The following GKAP1 variants were observed in gnomAD, a reference collection of about 807,000 sequenced individuals.
GKAP1 encodes the protein G kinase-anchoring protein 1.
A neutral mutation model predicts 56.7 loss-of-function variants in GKAP1; 31 were observed. The observed-to-expected ratio is 0.55, with a 90% CI of 0.41 to 0.74. The LOEUF (loss-of-function observed/expected upper bound fraction) is 0.74. Ranked by LOEUF, GKAP1 falls within the 30% of genes least tolerant of loss-of-function variation. The probability of loss-of-function intolerance (pLI) is 0.00; values close to 1 mark genes in which losing one functional copy is unlikely to be tolerated. For synonymous variants in GKAP1, 151 were observed against 138.6 expected (o/e 1.09, Z -0.63); for missense variants, 364 against 402.3 (o/e 0.90, Z 0.82).
At chr9:83,766,423 C>T (rs547896452) in intron 8 of GKAP1, among the ~76,000 whole-genome samples, 1 of 152,258 alleles carries the variant, frequency 6.6e-6, no homozygotes, top group South Asian at 2.1e-4. Flanking sequence ...TAATTCAATG[C>T]CAGAAAGAAC....
chr9:83,813,954 A>G (rs961344108), intron 2 of GKAP1, among the ~76,000 whole-genome samples: 9 of 152,132 alleles, frequency 5.9e-5, no homozygotes, highest in African/African-American at 2.2e-4. Flanking sequence ...TACAACAGTT[A>G]GCAGGCATAG....
In GKAP1 at chr9:83,777,044, A is replaced by C. The variant is rs565725090; in HGVS notation, c.585+3338T>G. ...TTTTTATTTTTAATATAATTTTTAC[A>C]TAAGTAGTACACGGACATGATAGAA... On this transcript the variant is annotated intron_variant, in intron 7 of 12. Transcript: ENST00000376371. 2.0e-5 allele frequency among the ~76,000 whole-genome samples: 3 copies of C among 152,332 alleles called. No individual in the cohort carries two copies. The South Asian group carries it at 6.2e-4, about 32-fold the overall frequency.
At chr9:83,784,143 T>C (rs1944024175) in intron 6 of GKAP1, among the ~76,000 whole-genome samples, 1 of 151,816 alleles carries the variant, frequency 6.6e-6, no homozygotes, top group African/African-American at 2.4e-5. Flanking sequence ...GGCATAGGCC[T>C]GTAGTCCTAG....
At chr9:83,808,586 ACT>A (rs1944469259) in intron 2 of GKAP1, among the ~76,000 whole-genome samples, 2 of 151,850 alleles carry the variant, frequency 1.3e-5, no homozygotes, top group Admixed American at 6.6e-5. Context: ...ACGGAGTCAG[ACT>A]CTCTCTCAAA....
chr9:83,739,808 T>TA (rs977669233), intron 12 of GKAP1, 64 bp from the exon 13 acceptor site: 1 of 1,342,860 alleles, frequency 7.4e-7, no homozygotes, highest in Non-Finnish European at 1.0e-6. Flanking sequence ...CCACTTCATT[T>TA]AAAAAATATA....
intron 4 of GKAP1, among the ~76,000 whole-genome samples, chr9:83,796,559 C>T (rs1195319560): frequency 6.6e-6 from 1 of 152,184 alleles, no homozygotes; most frequent in Non-Finnish European, 1.5e-5. Context: ...CCTCTGCCTC[C>T]TGGGCTCAAG....
In GKAP1 at chr9:83,748,350, G is replaced by T; in HGVS notation, c.863C>A (p.Ala288Glu). 2 of 1,592,934 alleles carry T rather than the reference G, an allele frequency of 1.3e-6. No individual in the cohort carries two copies. The change falls in exon 10 of 13, where the codon GCA becomes GAA. Residue 288 changes from alanine to glutamate, a missense_variant. Ala to Glu is a moderately radical substitution (Grantham distance 107). Transcript: ENST00000376371. ...QWEAKYKEVK[A>E]RNAQLLKMLQ... is the part of the protein sequence containing the mutation. ...CATTTTCAATAATTGTGCATTTCTT[G>T]CCTTTACTTCCTTATACTTTGCCTA...
Position 83,816,818 on chromosome 9 carries a change from G to A in GKAP1, c.-44+178C>T, listed in dbSNP as rs1944610987. On this transcript the variant is annotated intron_variant, in intron 2 of 12. Transcript: ENST00000376371. The stretch of plus-strand genomic sequence containing the variant: ...AGAGGAGGAAGAGAAAAGGCAATCA[G>A]CCAATTTGATAAACTATTTTTGTCG... Among the ~76,000 whole-genome samples the A allele has an allele frequency of 2.0e-5, 3 of 152,144 alleles. No homozygotes were observed. In the South Asian group the frequency reaches 6.2e-4, roughly 31 times the overall value.
chr9:83,816,564 T>C (rs991005689), intron 2 of GKAP1, among the ~76,000 whole-genome samples: 2 of 152,264 alleles, frequency 1.3e-5, no homozygotes, highest in African/African-American at 4.8e-5. Flanking sequence ...AGATTTTTAA[T>C]ATTTTAATTT....
At chr9:83,778,383 G>A (rs1045651251) in intron 7 of GKAP1, among the ~76,000 whole-genome samples, 5 of 152,094 alleles carry the variant, frequency 3.3e-5, no homozygotes, top group African/African-American at 1.2e-4. Context: ...GAATGAGACT[G>A]TGTCCTCTGC....
At chr9:83,812,196 CAT>C (rs912331634) in intron 2 of GKAP1, among the ~76,000 whole-genome samples, 3 of 149,146 alleles carry the variant, frequency 2.0e-5, no homozygotes, top group African/African-American at 5.0e-5. Context: ...TATATATACA[CAT>C]ATATATACAC....
At chr9:83,754,815 T>A (rs886285957) in intron 8 of GKAP1, among the ~76,000 whole-genome samples, 3 of 152,176 alleles carry the variant, frequency 2.0e-5, no homozygotes, top group Non-Finnish European at 2.9e-5. Context: ...CTAGGTTAGA[T>A]TTGACTGTGT....
chr9:83,781,296 G>A (rs1248536724), intron 6 of GKAP1, among the ~76,000 whole-genome samples: 1 of 152,202 alleles, frequency 6.6e-6, no homozygotes, highest in African/African-American at 2.4e-5. Flanking sequence ...CCAGGAGGCG[G>A]AGGCTGCAGA....
At chr9:83,784,115 A>T (rs930720867) in intron 6 of GKAP1, among the ~76,000 whole-genome samples, 1 of 151,658 alleles carries the variant, frequency 6.6e-6, no homozygotes, top group Non-Finnish European at 1.5e-5. Context: ...AAAATACAAA[A>T]GACTAGTTGG....
rs547991641 is a variant in GKAP1 at position 83,790,971 on chromosome 9, T to C, written c.361-2293A>G. On this transcript the variant is annotated intron_variant, in intron 4 of 12. Coordinates refer to ENST00000376371, the MANE Select transcript of GKAP1 (RefSeq NM_025211.4). ...TAATATGTCACATAGTCTGATGATA[T>C]TCCAGAAATAAGTTAGTGGGCAGAA... Among the ~76,000 whole-genome samples the C allele has an allele frequency of 1.4e-4, 21 of 152,364 alleles. No individual in the cohort carries two copies. The South Asian group carries it at 2.3e-3, about 17-fold the overall frequency.
At chr9:83,758,893 T>C (rs2160821) in intron 8 of GKAP1, among the ~76,000 whole-genome samples, 85,733 of 152,024 alleles carry the variant, frequency 0.56, 24,786 homozygotes, top group Admixed American at 0.7. Flanking sequence ...AAGGAGCACA[T>C]TGGATAGAGG....
At chr9:83,806,834 C>T (rs1944446726) in intron 2 of GKAP1, among the ~76,000 whole-genome samples, 1 of 152,130 alleles carries the variant, frequency 6.6e-6, no homozygotes, top group African/African-American at 2.4e-5. Flanking sequence ...CTCTCTCAAT[C>T]ATTCTGAAAT....
At chr9:83,789,572 C>T (rs922294980) in intron 4 of GKAP1, among the ~76,000 whole-genome samples, 1 of 152,124 alleles carries the variant, frequency 6.6e-6, no homozygotes, top group Non-Finnish European at 1.5e-5. Flanking sequence ...ATCCCTTCCT[C>T]GATTCCTTTA....
chr9:83,758,803 A>AT (rs1470425196), intron 8 of GKAP1, among the ~76,000 whole-genome samples: 2 of 152,104 alleles, frequency 1.3e-5, no homozygotes, highest in African/African-American at 4.8e-5. Flanking sequence ...TTCACCTTTA[A>AT]AAATGCCTAA....
Sources: gnomAD v4.1 joint callset for allele counts (sites outside exome capture counted in the v4.1 genomes callset) on GRCh38, gnomAD v4.1.1 for gene constraint, MANE v1.5 for transcripts, NCBI Gene and HGNC (gene_info 2026-07-23, HGNC 2026-07-21) for gene names.